SMNDC1: variants seen among roughly 807,000 people sequenced by gnomAD.
SMNDC1 encodes survival motor neuron domain containing 1.
SMNDC1 carries 5 observed loss-of-function variants against 29.2 expected under a neutral mutation model. The ratio of observed to expected loss-of-function variants is 0.17; its 90% CI spans 0.09 to 0.36. The LOEUF (loss-of-function observed/expected upper bound fraction) is 0.36. Among genes scored for constraint, SMNDC1 ranks in the 10% least tolerant of loss-of-function variants. The probability of loss-of-function intolerance (pLI) is 1.00; values close to 1 mark genes in which losing one functional copy is unlikely to be tolerated. For missense variants in SMNDC1, 142 were observed against 268.5 expected (o/e 0.53, Z 3.29); for synonymous variants, 80 against 89.9 (o/e 0.89, Z 0.62).
intron 4 of SMNDC1, among the ~76,000 whole-genome samples, chr10:110,296,742 C>T (rs1564733208): frequency 6.6e-6 from 1 of 152,264 alleles, no homozygotes; most frequent in East Asian, 1.9e-4. Context: ...CGGTGGCTTA[C>T]AAGCTCTTTA....
At chr10:110,297,179 A>G (rs900191888) in intron 4 of SMNDC1, among the ~76,000 whole-genome samples, 1 of 152,320 alleles carries the variant, frequency 6.6e-6, no homozygotes, top group South Asian at 2.1e-4. Context: ...AGTACCTGTT[A>G]TAGCTCCTTT....
At chr10:110,296,979 G>C (rs547962552) in intron 4 of SMNDC1, among the ~76,000 whole-genome samples, 1 of 152,290 alleles carries the variant, frequency 6.6e-6, no homozygotes, top group East Asian at 1.9e-4. Flanking sequence ...TGAGGAAACA[G>C]AGTTAAACAG....
chr10:110,297,377 T>C (rs1194575972), intron 4 of SMNDC1, among the ~76,000 whole-genome samples, 190 bp downstream of exon 4: 2 of 152,198 alleles, frequency 1.3e-5, no homozygotes, highest in African/African-American at 2.4e-5. Context: ...AATGCCTAAA[T>C]GGGAATCAAA....
In SMNDC1 at chr10:110,291,314, C is replaced by T. The variant is rs988743910; in HGVS notation, c.*2836G>A. On this transcript the variant is annotated 3_prime_UTR_variant, in exon 6 of 6. Transcript: ENST00000369603. ...GGTGACTTTTATTATAACCTTCACC[C>T]CCTTCCCATTAAGAAACATGCCCTA... 10 of 152,132 alleles carry T rather than the reference C, an allele frequency of 6.6e-5. No individual in the cohort carries two copies. Among genetic ancestry groups the T allele is most frequent in the African/African-American group, 1.9e-4 (8 of 41,414 alleles). 9.4% of individuals were successfully genotyped at this position (152,132 alleles called of 1,614,324 possible).
intron 2 of SMNDC1, chr10:110,300,678 G>A: frequency 2.0e-6 from 2 of 985,390 alleles, no homozygotes; most frequent in Non-Finnish European, 2.4e-6. Context: ...CAGGTCAAAT[G>A]GGGTGCACTC....
At position 110,295,216 on chromosome 10, in the gene SMNDC1, AG is replaced by A; in HGVS notation, c.579+11del. The A allele has an allele frequency of 6.3e-7, 1 of 1,577,640 alleles. No individual in the cohort carries two copies. On this transcript the variant is annotated intron_variant, in intron 5 of 5. Coordinates refer to ENST00000369603, the MANE Select transcript of SMNDC1 (RefSeq NM_005871.4). ...TTTCTCAAATTTACAAAGTGTAAAA[AG>A]ATTTACCAACCTGGCCTTTTTTGTT...
chr10:110,302,747 G>A (rs1857672426), intron 2 of SMNDC1, among the ~76,000 whole-genome samples: 1 of 152,048 alleles, frequency 6.6e-6, no homozygotes. Context: ...AATCAGTCTG[G>A]TGTCCTGAAA....
At chr10:110,304,188 T>A (rs1203492293) in intron 1 of SMNDC1, 1 of 152,232 alleles carries the variant, frequency 6.6e-6, no homozygotes, top group Non-Finnish European at 1.5e-5. Flanking sequence ...TTCTAACGAA[T>A]GTGCCTTTCG....
intron 4 of SMNDC1, among the ~76,000 whole-genome samples, chr10:110,297,080 T>C (rs1704356531): frequency 6.6e-6 from 1 of 152,230 alleles, no homozygotes; most frequent in South Asian, 2.1e-4. Flanking sequence ...TGGCTCTTAC[T>C]CTTTTCAAAT....
In SMNDC1 at chr10:110,292,692, C is replaced by CCCT. The variant is rs1346879649; in HGVS notation, c.*1455_*1457dup. 1 of 152,018 alleles carries CCCT rather than the reference C, an allele frequency of 6.6e-6. No homozygotes were observed. The highest frequency in any genetic ancestry group is 1.5e-5 in the Non-Finnish European group (1 of 67,984). 9.4% of individuals were successfully genotyped at this position (152,018 alleles called of 1,614,324 possible). On this transcript the variant is annotated 3_prime_UTR_variant, in exon 6 of 6. Transcript: ENST00000369603. ...CACGAATTATATGAAGAAAAAGTGACCCTCCTGGGTTGAGAGGGGTGGGTG... is the reference window on the plus strand; with the variant it reads ...CACGAATTATATGAAGAAAAAGTGACCCTCCTCCTGGGTTGAGAGGGGTGGGTG...
At chr10:110,295,859 C>CT (rs1857556541) in intron 4 of SMNDC1, among the ~76,000 whole-genome samples, 1 of 152,216 alleles carries the variant, frequency 6.6e-6, no homozygotes, top group Non-Finnish European at 1.5e-5. Flanking sequence ...CCAGAATGGT[C>CT]TTTAACTCCT....
chr10:110,298,940 C>T (rs1410986669), intron 2 of SMNDC1, 150 bp from the exon 3 acceptor site: 2 of 569,648 alleles, frequency 3.5e-6, no homozygotes, highest in Non-Finnish European at 6.1e-6. Flanking sequence ...CTGTGATTAT[C>T]CCCATGTAGA....
chr10:110,298,927 G>A (rs1857607819), intron 2 of SMNDC1, 137 bp from the exon 3 acceptor site: 1 of 609,380 alleles, frequency 1.6e-6, no homozygotes, highest in South Asian at 2.4e-5. Flanking sequence ...TATTAAGCAA[G>A]TACTGTGATT....
chr10:110,298,566 G>A, intron 3 of SMNDC1, 82 bp downstream of exon 3: 3 of 1,125,812 alleles, frequency 2.7e-6, no homozygotes, highest in Non-Finnish European at 3.8e-6. Flanking sequence ...TTAAAATAGG[G>A]TAGTTAAAAC....
At position 110,293,950 on chromosome 10, in the gene SMNDC1, C is replaced by T. The variant is rs946347037; in HGVS notation, c.*200G>A. On this transcript the variant is annotated 3_prime_UTR_variant, in exon 6 of 6. Coordinates refer to ENST00000369603, the MANE Select transcript of SMNDC1 (RefSeq NM_005871.4). ...TTTATTCAACAAACTTTGAGGGAACCGTGGTACTGATAATGAGAAAAGTTA... is the reference window on the plus strand; with the variant it reads ...TTTATTCAACAAACTTTGAGGGAACTGTGGTACTGATAATGAGAAAAGTTA... 4 of 424,874 alleles carry T rather than the reference C, an allele frequency of 9.4e-6. No homozygotes were observed. The highest frequency in any genetic ancestry group is 1.2e-5 in the Non-Finnish European group (3 of 241,850). 26.3% of individuals were successfully genotyped at this position (424,874 alleles called of 1,614,324 possible).
intron 1 of SMNDC1, chr10:110,303,988 T>C (rs1857698642): frequency 6.2e-6 from 1 of 161,358 alleles, no homozygotes; most frequent in Non-Finnish European, 1.3e-5. Context: ...CACTACAGTA[T>C]GCTTCCAAAG....
In SMNDC1 at chr10:110,293,630, AAAAACCTC is replaced by A. The variant is rs1857524884; in HGVS notation, c.*512_*519del. On this transcript the variant is annotated 3_prime_UTR_variant, in exon 6 of 6. Transcript: ENST00000369603. ...AGGCCTGGGAAACAAGTTATTGAGGAAAAACCTCAAAACAAACTTTGCCATTTACAAAT... is the reference window on the plus strand; with the variant it reads ...AGGCCTGGGAAACAAGTTATTGAGGAAAAACAAACTTTGCCATTTACAAAT... The A allele has an allele frequency of 6.6e-6, 1 of 152,224 alleles. No homozygotes were observed. The highest frequency in any genetic ancestry group is 2.4e-5 in the African/African-American group (1 of 41,464). The allele number at this position is 152,224 out of a possible 1,614,324, so 9.4% of individuals were successfully genotyped here. A position where few individuals can be genotyped will look rare whatever the true frequency, so the allele number is the denominator to read the frequency against.
At chr10:110,302,335 C>T (rs982414005) in intron 2 of SMNDC1, among the ~76,000 whole-genome samples, 2 of 152,108 alleles carry the variant, frequency 1.3e-5, no homozygotes, top group Admixed American at 6.5e-5. Flanking sequence ...TTCTACGTAT[C>T]GAAGAGGGGT....
chr10:110,301,691 T>C lies in SMNDC1; in HGVS notation c.120+1777A>G, dbSNP rs11195070. Among the ~76,000 whole-genome samples the C allele has an allele frequency of 4.9e-3, 746 of 152,286 alleles. 6 individuals are homozygous for C. Among genetic ancestry groups the C allele is most frequent in the African/African-American group, 0.017 (701 of 41,542 alleles). On this transcript the variant is annotated intron_variant, in intron 2 of 5. Transcript: ENST00000369603. ...TAGCAGATATAGAACATTTCCATCA[T>C]CACAGAAAGTTCTACTGGACAGTGC... is the stretch of plus-strand genomic sequence containing the variant.
Sources: gnomAD v4.1 joint callset for allele counts (sites outside exome capture counted in the v4.1 genomes callset) on GRCh38, gnomAD v4.1.1 for gene constraint, MANE v1.5 for transcripts, NCBI Gene and HGNC (gene_info 2026-07-23, HGNC 2026-07-21) for gene names.